The following LY9 variants were observed in gnomAD, a reference collection of about 807,000 sequenced individuals.
LY9 encodes T-lymphocyte surface antigen Ly-9.
LY9 carries 59 observed loss-of-function variants against 64.6 expected under a neutral mutation model. The ratio of observed to expected loss-of-function variants is 0.91; its 90% CI spans 0.74 to 1.13. The LOEUF (loss-of-function observed/expected upper bound fraction) is 1.13. LY9 is among the 50% of genes most tolerant of loss of function. The probability of loss-of-function intolerance (pLI) is 0.00; values close to 1 mark genes in which losing one functional copy is unlikely to be tolerated. For missense variants in LY9, 789 were observed against 797.2 expected, an observed-to-expected ratio of 0.99 and a Z score of 0.12; for synonymous variants, 281 against 308.5, an observed-to-expected ratio of 0.91 and a Z score of 0.93.
chr1:160,809,079 G>A (rs1295222678), intron 2 of LY9, among the ~76,000 whole-genome samples: 1 of 151,964 alleles, frequency 6.6e-6, no homozygotes, highest in Non-Finnish European at 1.5e-5. Flanking sequence ...ATGCTGCAAT[G>A]AATATTCTTG....
At chr1:160,801,971 C>A (rs1556517) in intron 2 of LY9, 353,864 of 1,595,604 alleles carry the variant, frequency 0.22, 42,293 homozygotes, top group Admixed American at 0.42. Flanking sequence ...ACCTCACCGC[C>A]GCGCAGCAGA....
At chr1:160,799,621 AAGG>A in intron 1 of LY9, 129 bp from the exon 2 acceptor site, 1 of 637,810 alleles carries the variant, frequency 1.6e-6, no homozygotes, top group Non-Finnish European at 2.7e-6. Flanking sequence ...GACCTAGAAG[AAGG>A]AGGACAAGAA....
intron 7 of LY9, among the ~76,000 whole-genome samples, chr1:160,820,267 A>G (rs2101822646): frequency 6.6e-6 from 1 of 152,230 alleles, no homozygotes; most frequent in East Asian, 1.9e-4. Context: ...AACTGCTCTG[A>G]CAGGTTTTAG....
chr1:160,796,581 C>T (rs1331558678), intron 1 of LY9, among the ~76,000 whole-genome samples: 1 of 151,982 alleles, frequency 6.6e-6, no homozygotes, highest in Non-Finnish European at 1.5e-5. Context: ...TTAGTAGGGG[C>T]AGGGTTTCAC....
chr1:160,805,724 G>GTC (rs879340552), intron 2 of LY9, among the ~76,000 whole-genome samples: 2 of 137,604 alleles, frequency 1.5e-5, no homozygotes, highest in African/African-American at 2.7e-5. Flanking sequence ...TTCTGTTGCA[G>GTC]TCTCTCTCTC....
chr1:160,821,151 T>TA (rs373539992), intron 7 of LY9, among the ~76,000 whole-genome samples: 2,009 of 105,062 alleles, frequency 0.019, 105 homozygotes, highest in African/African-American at 0.055. Context: ...GAAACTTTGC[T>TA]AAAAAAAAAA....
At chr1:160,810,188 T>C (rs968534685) in intron 2 of LY9, 1 of 152,270 alleles carries the variant, frequency 6.6e-6, no homozygotes, top group South Asian at 2.1e-4. Context: ...CATCTTTTCA[T>C]GTATTGAATA....
rs760651120 is a variant in LY9 at position 160,818,295 on chromosome 1, T to C, written c.1420T>C (p.Cys474Arg). ...TCTGTGCGTTGGGATCTTCAGCTGGTGCATTTGGAAGCGAAAAGGACGGTG... is the reference window on the plus strand; with the variant it reads ...TCTGTGCGTTGGGATCTTCAGCTGGCGCATTTGGAAGCGAAAAGGACGGTG... The part of the protein sequence containing the change: ...CLLCVGIFSW[C>R]IWKRKGRCSV... Residue 474 changes from cysteine (C) to arginine (R), a missense_variant, in exon 6 of 10, where the codon TGC (cysteine) becomes CGC (arginine). Coordinates refer to ENST00000263285, the MANE Select transcript of LY9 (RefSeq NM_002348.4). 1.2e-6 allele frequency: 2 copies of C among 1,614,048 alleles called. No individual in the cohort carries two copies. Among genetic ancestry groups the C allele is most frequent in the Non-Finnish European group, 1.7e-6 (2 of 1,179,938 alleles).
chr1:160,823,223 T>G (rs1394147112), intron 7 of LY9, among the ~76,000 whole-genome samples: 1 of 152,020 alleles, frequency 6.6e-6, no homozygotes, highest in Non-Finnish European at 1.5e-5. Context: ...GGCCAGAGAG[T>G]TGCTAAAGTC....
intron 2 of LY9, chr1:160,802,248 C>T: frequency 9.5e-7 from 1 of 1,047,256 alleles, no homozygotes; most frequent in Non-Finnish European, 1.2e-6. Flanking sequence ...GGTAGAGACT[C>T]CCAAGCCTGT....
At chr1:160,812,558 C>T (rs1277835469) in intron 2 of LY9, 2 of 152,008 alleles carry the variant, frequency 1.3e-5, no homozygotes, top group African/African-American at 4.8e-5. Flanking sequence ...CAATAATTTC[C>T]AAGATATATT....
chr1:160,818,360 A>G, intron 6 of LY9, 41 bp downstream of exon 6: 1 of 1,472,890 alleles, frequency 6.8e-7, no homozygotes, highest in Non-Finnish European at 9.5e-7. Flanking sequence ...GTGCTAGGCC[A>G]TTTCCCTGGG....
In LY9 at chr1:160,824,211, A is replaced by G. The variant is rs764465042; in HGVS notation, c.1861A>G (p.Ser621Gly). Residue 621 changes from serine (S) to glycine (G), a missense_variant, in exon 9 of 10, where the codon AGC becomes GGC. By Grantham distance (56) the Ser-to-Gly change is moderately conservative. Coordinates refer to ENST00000263285, the MANE Select transcript of LY9 (RefSeq NM_002348.4). ...GKTPVSQKEESSATIYCSIRK... is the reference protein window; with the variant it reads ...GKTPVSQKEEGSATIYCSIRK... ...GACCCCAGTTTCTCAGAAGGAAGAG[A>G]GCTCAGCCACAATCTACTGCTCCAT... 5 of 1,614,132 alleles carry G rather than the reference A, an allele frequency of 3.1e-6. No individual in the cohort carries two copies. Among genetic ancestry groups the G allele is most frequent in the Non-Finnish European group, 4.2e-6 (5 of 1,180,026 alleles).
chr1:160,824,475 T>C (rs1668734642), intron 9 of LY9: 1 of 984,970 alleles, frequency 1.0e-6, no homozygotes, highest in Non-Finnish European at 1.2e-6. Context: ...TAATATCTTA[T>C]GTTGGTTATT....
chr1:160,814,767 T>C lies in LY9; in HGVS notation c.1072+6T>C. 1.2e-6 allele frequency: 2 copies of C among 1,607,662 alleles called. No individual in the cohort carries two copies. Among genetic ancestry groups the C allele is most frequent in the Non-Finnish European group, 1.7e-6 (2 of 1,176,664 alleles). ...TGTCACCCTGCTCATCTACCGTGAG[T>C]CTCTGGGCAGGGCACCCATCACCAG... On this transcript the variant is annotated splice_donor_region_variant and intron_variant, in intron 4 of 9. Coordinates refer to ENST00000263285, the MANE Select transcript of LY9 (RefSeq NM_002348.4).
rs1418833484 is a variant in LY9, at chr1:160,819,029, A to G, written c.1445-292A>G. Among the ~76,000 whole-genome samples the G allele has an allele frequency of 2.0e-5, 3 of 152,172 alleles. No homozygotes were observed. The South Asian group carries it at 6.2e-4, about 32-fold the overall frequency. On this transcript the variant is annotated intron_variant, in intron 6 of 9. Transcript: ENST00000263285. ...TAGAACACATGGGGTCCCTGGAAGA[A>G]TTACTGAATTGCAGGCAAACTACTC...
intron 2 of LY9, among the ~76,000 whole-genome samples, chr1:160,807,637 T>C (rs1367745543): frequency 6.6e-6 from 1 of 151,760 alleles, no homozygotes; most frequent in Non-Finnish European, 1.5e-5. Context: ...GGAATGACAG[T>C]AGTGGGATGA....
At chr1:160,806,537 A>G (rs1479516051) in intron 2 of LY9, among the ~76,000 whole-genome samples, 1 of 151,286 alleles carries the variant, frequency 6.6e-6, no homozygotes, top group East Asian at 1.9e-4. Context: ...TTTTTGGTTG[A>G]CTCTTTGAAT....
intron 4 of LY9, 130 bp downstream of exon 4, chr1:160,814,891 C>A (rs1667821676): frequency 2.8e-6 from 2 of 707,370 alleles, no homozygotes; most frequent in Non-Finnish European, 4.7e-6. Flanking sequence ...ACTAGGACAG[C>A]TGTTCAGTTC....
Sources: gnomAD v4.1 joint callset for allele counts (sites outside exome capture counted in the v4.1 genomes callset) on GRCh38, gnomAD v4.1.1 for gene constraint, MANE v1.5 for transcripts, NCBI Gene and HGNC (gene_info 2026-07-23, HGNC 2026-07-21) for gene names.